The following CTNNA3 variants were observed in gnomAD, a reference collection of about 807,000 sequenced individuals.
CTNNA3 encodes catenin alpha-3.
CTNNA3 carries 76 observed loss-of-function variants against 95.7 expected under a neutral mutation model. That is an observed-to-expected ratio of 0.79 (90% CI 0.66 to 0.96). The LOEUF (loss-of-function observed/expected upper bound fraction) is 0.96, where lower values mean the gene tolerates loss of function less well. Among genes scored for constraint, CTNNA3 ranks in the 40% least tolerant of loss-of-function variants. CTNNA3 has a pLI of 0.00. For synonymous variants in CTNNA3, 431 were observed against 374.4 expected, an observed-to-expected ratio of 1.15 and a Z score of -1.74; for missense variants, 1,191 against 1,089.8, an observed-to-expected ratio of 1.09 and a Z score of -1.31.
chr10:67,655,624 A>G (rs1306248192), intron 1 of CTNNA3, among the ~76,000 whole-genome samples: 1 of 152,028 alleles, frequency 6.6e-6, no homozygotes, highest in African/African-American at 2.4e-5. Context: ...GTGAAACCCC[A>G]TCTCTACTAA....
chr10:66,048,825 T>G (rs2133527665), intron 15 of CTNNA3, among the ~76,000 whole-genome samples: 1 of 151,834 alleles, frequency 6.6e-6, no homozygotes, highest in Non-Finnish European at 1.5e-5. Flanking sequence ...AACCCAAAAA[T>G]TATAAAAACC....
At chr10:67,264,488 C>G (rs888991155) in intron 5 of CTNNA3, among the ~76,000 whole-genome samples, 1 of 152,104 alleles carries the variant, frequency 6.6e-6, no homozygotes. Context: ...AAGTAACATG[C>G]CCAGTTAGAA....
intron 5 of CTNNA3, among the ~76,000 whole-genome samples, chr10:67,465,168 CTT>C (rs2133007712): frequency 6.8e-6 from 1 of 146,914 alleles, no homozygotes; most frequent in Non-Finnish European, 1.5e-5. Context: ...TAAGCAGTAA[CTT>C]TTGATATCTG....
At chr10:67,451,937 C>T (rs1429651852) in intron 5 of CTNNA3, among the ~76,000 whole-genome samples, 2 of 151,616 alleles carry the variant, frequency 1.3e-5, no homozygotes, top group African/African-American at 4.8e-5. Flanking sequence ...TAATCCCATA[C>T]ACAATGTACA....
Position 67,256,848 on chromosome 10 carries a change from C to T in CTNNA3, c.580-36978G>A, listed in dbSNP as rs183604841. On this transcript the variant is annotated intron_variant, in intron 5 of 17. Coordinates refer to ENST00000433211, the MANE Select transcript of CTNNA3 (RefSeq NM_013266.4). Reference sequence around the variant, plus strand: ...CAGTATCATGGACATTAAAAATACCCAGTGGTACTTTTTTTAGTGAAATTT... The same window carrying T: ...CAGTATCATGGACATTAAAAATACCTAGTGGTACTTTTTTTAGTGAAATTT... 2.0e-5 allele frequency among the ~76,000 whole-genome samples: 3 copies of T among 152,132 alleles called. No individual in the cohort carries two copies. In the East Asian group the frequency reaches 5.8e-4, roughly 29 times the overall value.
At chr10:66,932,167 T>A (rs928482312) in intron 7 of CTNNA3, among the ~76,000 whole-genome samples, 1 of 152,144 alleles carries the variant, frequency 6.6e-6, no homozygotes, top group Non-Finnish European at 1.5e-5. Context: ...ACAATGATGT[T>A]ACAGTCTAAG....
At chr10:65,973,669 G>C (rs942442815) in intron 16 of CTNNA3, among the ~76,000 whole-genome samples, 1 of 152,110 alleles carries the variant, frequency 6.6e-6, no homozygotes, top group African/African-American at 2.4e-5. Flanking sequence ...GCTTTGGGGT[G>C]GGGGCTCAGG....
chr10:67,257,231 CTGT>C (rs1482613134), intron 5 of CTNNA3, among the ~76,000 whole-genome samples: 5 of 152,172 alleles, frequency 3.3e-5, no homozygotes, highest in Non-Finnish European at 7.4e-5. Context: ...AATTCCGAGC[CTGT>C]TGTTTTAAGA....
intron 3 of CTNNA3, among the ~76,000 whole-genome samples, chr10:67,545,935 C>T (rs1840832099): frequency 6.6e-6 from 1 of 152,152 alleles, no homozygotes; most frequent in South Asian, 2.1e-4. Context: ...AAGTACACAA[C>T]TCCTAACTTA....
intron 13 of CTNNA3, among the ~76,000 whole-genome samples, chr10:66,245,147 G>C (rs533645335): frequency 1.3e-5 from 2 of 152,122 alleles, no homozygotes; most frequent in Non-Finnish European, 1.5e-5. Flanking sequence ...TGTGGGGTCC[G>C]GCCACTGCTC....
At chr10:67,711,350 G>A (rs1168502576) in intron 1 of CTNNA3, among the ~76,000 whole-genome samples, 2 of 152,146 alleles carry the variant, frequency 1.3e-5, no homozygotes, top group Admixed American at 1.3e-4. Flanking sequence ...GGAAAGTTTG[G>A]AACTCCCTAG....
intron 7 of CTNNA3, among the ~76,000 whole-genome samples, chr10:66,804,752 A>AT (rs1338953090): frequency 6.6e-6 from 1 of 151,944 alleles, no homozygotes; most frequent in East Asian, 1.9e-4. Flanking sequence ...ATTTTTAGAG[A>AT]TTTTATGGAG....
chr10:66,330,685 C>A (rs2092314812), intron 12 of CTNNA3, among the ~76,000 whole-genome samples: 1 of 152,076 alleles, frequency 6.6e-6, no homozygotes, highest in Non-Finnish European at 1.5e-5. Flanking sequence ...ACAGTCCCAC[C>A]AACAGTGTAA....
rs531315858 is a variant in CTNNA3 at position 67,245,342 on chromosome 10, T to C, written c.580-25472A>G. 2.6e-5 allele frequency among the ~76,000 whole-genome samples: 4 copies of C among 152,328 alleles called. No homozygotes were observed. The South Asian group carries it at 8.3e-4, about 32-fold the overall frequency. ...TATGCCATATTTCCCTTCCTTGCTT[T>C]ATTTTCTCTGTACTATTTGTCACTA... is the stretch of plus-strand genomic sequence containing the variant. On this transcript the variant is annotated intron_variant, in intron 5 of 17. Transcript: ENST00000433211.
At chr10:66,241,437 G>A (rs1486482255) in intron 13 of CTNNA3, among the ~76,000 whole-genome samples, 2 of 152,264 alleles carry the variant, frequency 1.3e-5, no homozygotes, top group South Asian at 4.1e-4. Flanking sequence ...ACAAAGTTAA[G>A]TAAATCTTAC....
chr10:66,666,713 T>C (rs1846463671), intron 9 of CTNNA3, among the ~76,000 whole-genome samples: 1 of 152,126 alleles, frequency 6.6e-6, no homozygotes, highest in Non-Finnish European at 1.5e-5. Flanking sequence ...TTTTCTTTCT[T>C]CTTTCTAGAA....
chr10:66,564,308 G>T, intron 10 of CTNNA3, among the ~76,000 whole-genome samples: 1 of 152,082 alleles, frequency 6.6e-6, no homozygotes, highest in Non-Finnish European at 1.5e-5. Flanking sequence ...CTTGCCTCTA[G>T]CCAGGACCCA....
chr10:67,229,115 C>G (rs1865070462), intron 5 of CTNNA3, among the ~76,000 whole-genome samples: 1 of 152,056 alleles, frequency 6.6e-6, no homozygotes, highest in Non-Finnish European at 1.5e-5. Context: ...AAAAGATAAT[C>G]CACCATGCTC....
chr10:67,271,648 T>G (rs150030000), intron 5 of CTNNA3, among the ~76,000 whole-genome samples: 2 of 152,160 alleles, frequency 1.3e-5, no homozygotes, highest in African/African-American at 2.4e-5. Context: ...TTGTCCTTAA[T>G]CTGAACTCAG....
Sources: allele counts gnomAD v4.1 joint callset (sites outside exome capture counted in the v4.1 genomes callset), GRCh38; gene constraint gnomAD v4.1.1; transcripts MANE v1.5; gene names NCBI Gene and HGNC (gene_info 2026-07-23, HGNC 2026-07-21).